Variants in RELN observed in about 807,000 individuals in gnomAD.
RELN encodes reelin.
Under a neutral mutation model 427.6 loss-of-function variants are expected in RELN, and 108 were observed. That is an observed-to-expected ratio of 0.25 (90% CI 0.22 to 0.30). The LOEUF (loss-of-function observed/expected upper bound fraction) is 0.30, where lower values mean the gene tolerates loss of function less well. Among genes scored for constraint, RELN ranks in the 10% least tolerant of loss-of-function variants. The probability of loss-of-function intolerance (pLI) is 1.00; values close to 1 mark genes in which losing one functional copy is unlikely to be tolerated. For synonymous variants in RELN, 1,524 were observed against 1,513.4 expected (o/e 1.01, Z -0.16); for missense variants, 3,715 against 4,302.8 (o/e 0.86, Z 3.82).
intron 4 of RELN, among the ~76,000 whole-genome samples, chr7:103,770,403 A>G (rs1204775044): frequency 6.6e-6 from 1 of 152,126 alleles, no homozygotes; most frequent in Non-Finnish European, 1.5e-5. Context: ...TCTTACAATA[A>G]CAATTCCTTT....
At chr7:103,922,875 A>G (rs1795646643) in intron 1 of RELN, among the ~76,000 whole-genome samples, 1 of 150,482 alleles carries the variant, frequency 6.6e-6, no homozygotes, top group Admixed American at 6.6e-5. Context: ...TATACAAAAG[A>G]CCTTTAATAT....
chr7:103,632,565 T>A (rs75810263), intron 19 of RELN, among the ~76,000 whole-genome samples: 2,692 of 152,070 alleles, frequency 0.018, 34 homozygotes, highest in African/African-American at 0.037. Flanking sequence ...GTAGGGGGAG[T>A]TCCTAACGAT....
chr7:103,945,317 C>G (rs1796198054), intron 1 of RELN, among the ~76,000 whole-genome samples: 1 of 152,182 alleles, frequency 6.6e-6, no homozygotes, highest in Non-Finnish European at 1.5e-5. Flanking sequence ...ACCATGAACA[C>G]TCATAATCCA....
chr7:103,515,235 C>T lies in RELN; in HGVS notation c.8069G>A (p.Gly2690Asp). 6.2e-7 allele frequency: 1 copy of T among 1,614,200 alleles called. No individual in the cohort carries two copies. The highest frequency in any genetic ancestry group is 1.3e-5 in the African/African-American group (1 of 75,052). Residue 2690 changes from glycine to aspartate, a missense_variant, in exon 50 of 65, where the codon GGC becomes GAC. Transcript: ENST00000428762. ...GTCAAAGGCGATCCTCCCGACAGGG[C>T]CGGCATCTGCAGGGGAGCGCTCATG... Reference protein sequence around the residue: ...PQHERSPADAGPVGRIAFDMF... With the variant: ...PQHERSPADADPVGRIAFDMF...
intron 5 of RELN, among the ~76,000 whole-genome samples, chr7:103,749,707 G>A (rs919726239): frequency 6.6e-6 from 1 of 152,178 alleles, no homozygotes; most frequent in Non-Finnish European, 1.5e-5. Context: ...CCTAGAAGTT[G>A]GGAAAACCAA....
intron 36 of RELN, among the ~76,000 whole-genome samples, chr7:103,560,858 G>A (rs1265974895): frequency 2.6e-5 from 4 of 152,094 alleles, no homozygotes; most frequent in Non-Finnish European, 4.4e-5. Context: ...AATTTTCTAG[G>A]TGTTAGATGT....
rs557335906 is a variant in RELN, at chr7:103,936,805, A to T, written c.227-19620T>A. ...CTGGTAAAATTCTATTTCTTATGCA[A>T]TCATAGCAGATAAGAGTTCCCTAAC... On this transcript the variant is annotated intron_variant, in intron 1 of 64. Coordinates refer to ENST00000428762, the MANE Select transcript of RELN (RefSeq NM_005045.4). Among the ~76,000 whole-genome samples, 38 of 152,050 alleles carry T rather than the reference A, an allele frequency of 2.5e-4. No homozygotes were observed. In the South Asian group the frequency reaches 3.7e-3, roughly 15 times the overall value.
chr7:103,580,866 G>T (rs529431307), intron 28 of RELN, among the ~76,000 whole-genome samples: 1 of 152,078 alleles, frequency 6.6e-6, no homozygotes, highest in African/African-American at 2.4e-5. Context: ...TCATTGTATC[G>T]TTGTAGCAAT....
rs1830687749 is a variant in RELN, at chr7:103,563,732, G to A, written c.5210+1546C>T. ...TCCAGTCCTGTAAGCTCTGTTTATCGGAAGTGCCCTATACAAGTGTACCAT... is the reference window on the plus strand; with the variant it reads ...TCCAGTCCTGTAAGCTCTGTTTATCAGAAGTGCCCTATACAAGTGTACCAT... On this transcript the variant is annotated intron_variant, in intron 34 of 64. Transcript: ENST00000428762. The surrounding 1 kb of genome is among the most constrained non-coding windows in gnomAD (Gnocchi z 4.1). Among the ~76,000 whole-genome samples the A allele has an allele frequency of 1.3e-5, 2 of 152,058 alleles. No homozygotes were observed. Among genetic ancestry groups the A allele is most frequent in the Admixed American group, 6.6e-5 (1 of 15,264 alleles).
In RELN at chr7:103,641,930, C is replaced by T. The variant is rs147310101; in HGVS notation, c.2003-1321G>A. Among the ~76,000 whole-genome samples the T allele has an allele frequency of 3.0e-4, 45 of 152,210 alleles. 1 individual carries two copies. In the East Asian group the frequency reaches 8.3e-3, roughly 28 times the overall value. On this transcript the variant is annotated intron_variant, in intron 16 of 64. Coordinates refer to ENST00000428762, the MANE Select transcript of RELN (RefSeq NM_005045.4). Reference sequence around the variant, plus strand: ...GCACCCATGTCATAGTTCAAAAAGCCTCCATCATGAAAAATTCAACAATAA... The same window carrying T: ...GCACCCATGTCATAGTTCAAAAAGCTTCCATCATGAAAAATTCAACAATAA...
chr7:103,591,927 C>G (rs1466600092), intron 27 of RELN, among the ~76,000 whole-genome samples: 2 of 152,136 alleles, frequency 1.3e-5, no homozygotes, highest in African/African-American at 4.8e-5. Context: ...TCTCTCCTAT[C>G]TTTAAAAATA....
At chr7:103,693,792 T>C (rs1179136557) in intron 10 of RELN, among the ~76,000 whole-genome samples, 1 of 152,144 alleles carries the variant, frequency 6.6e-6, no homozygotes, top group Non-Finnish European at 1.5e-5. Context: ...GGTTCCAACA[T>C]CTTGCCAGGC....
At chr7:103,520,136 GT>G (rs572850985) in intron 48 of RELN, among the ~76,000 whole-genome samples, 4 of 148,504 alleles carry the variant, frequency 2.7e-5, no homozygotes, top group South Asian at 2.1e-4. Flanking sequence ...TGCCTTGGCT[GT>G]TTTTTTTTCA....
chr7:103,735,407 C>G (rs2115976899), intron 6 of RELN, among the ~76,000 whole-genome samples: 1 of 152,116 alleles, frequency 6.6e-6, no homozygotes. Flanking sequence ...TGCTCAACCA[C>G]CCATTCATTG....
At position 103,729,433 on chromosome 7, in the gene RELN, C is replaced by A. The variant is rs57428028; in HGVS notation, c.657-1226G>T. Reference sequence around the variant, plus strand: ...AATGAAAGTACTTCCTATATGTTTACCACATTGATTAAATGATATTATTTT... The same window carrying A: ...AATGAAAGTACTTCCTATATGTTTAACACATTGATTAAATGATATTATTTT... On this transcript the variant is annotated intron_variant, in intron 6 of 64. Transcript: ENST00000428762. 1.7e-3 allele frequency among the ~76,000 whole-genome samples: 260 copies of A among 152,276 alleles called. 1 individual carries two copies. Among genetic ancestry groups the A allele is most frequent in the African/African-American group, 6.1e-3 (252 of 41,582 alleles).
At position 103,723,153 on chromosome 7, in the gene RELN, G is replaced by C; in HGVS notation, c.792C>G (p.Leu264=). ...TGLNTTTASV[L]QFSIGSGSCR... is the part of the protein sequence containing the mutation. ...AAAAACACTTACCAATGGAAAATTGGAGGACAGAAGCTGTTGTTGTATTAA... is the reference window on the plus strand; with the variant it reads ...AAAAACACTTACCAATGGAAAATTGCAGGACAGAAGCTGTTGTTGTATTAA... The change falls in exon 8 of 65, where the codon CTC becomes CTG. Residue 264 remains leucine, a synonymous_variant. Transcript: ENST00000428762. 1 of 1,597,114 alleles carries C rather than the reference G, an allele frequency of 6.3e-7. No homozygotes were observed. The highest frequency in any genetic ancestry group is 8.6e-7 in the Non-Finnish European group (1 of 1,165,008).
intron 2 of RELN, among the ~76,000 whole-genome samples, chr7:103,899,329 C>A (rs1274207753): frequency 2.6e-5 from 4 of 152,028 alleles, no homozygotes; most frequent in South Asian, 2.1e-4. Flanking sequence ...AAGTCCAGGA[C>A]CAGAGAGATT....
At chr7:103,547,025 G>A (rs1045963899) in intron 41 of RELN, among the ~76,000 whole-genome samples, 1 of 152,128 alleles carries the variant, frequency 6.6e-6, no homozygotes, top group Admixed American at 6.5e-5. Flanking sequence ...ATGTTTTAAT[G>A]TATTTTATCA....
chr7:103,746,215 C>T (rs1467541968), intron 6 of RELN, among the ~76,000 whole-genome samples: 5 of 152,152 alleles, frequency 3.3e-5, no homozygotes, highest in African/African-American at 9.6e-5. Context: ...GCTAGCCATA[C>T]ACAGAAAGCT....
Sources: gnomAD v4.1 joint callset for allele counts (sites outside exome capture counted in the v4.1 genomes callset) on GRCh38, gnomAD v4.1.1 for gene constraint, Gnocchi (gnomAD v3.1) non-coding constraint, MANE v1.5 for transcripts, NCBI Gene and HGNC (gene_info 2026-07-23, HGNC 2026-07-21) for gene names.